The following RYR2 variants were observed in gnomAD, a reference collection of about 807,000 sequenced individuals.
RYR2 encodes the protein ryanodine receptor 2.
Under a neutral mutation model 601.1 loss-of-function variants are expected in RYR2, and 227 were observed. The observed-to-expected ratio is 0.38, with a 90% CI of 0.34 to 0.42. The LOEUF (loss-of-function observed/expected upper bound fraction) is 0.42, where lower values mean the gene tolerates loss of function less well. Among genes scored for constraint, RYR2 ranks in the 10% least tolerant of loss-of-function variants. The pLI is 1.00. For synonymous variants in RYR2, 2,223 were observed against 2,175.1 expected, an observed-to-expected ratio of 1.02 and a Z score of -0.61; for missense variants, 4,646 against 6,156.5, an observed-to-expected ratio of 0.75 and a Z score of 8.21.
intron 1 of RYR2, among the ~76,000 whole-genome samples, chr1:237,107,304 G>A (rs781133896): frequency 1.2e-4 from 18 of 151,598 alleles, no homozygotes; most frequent in Middle Eastern, 3.4e-3. Flanking sequence ...GGCGGATCAC[G>A]AGGTCAGGAG....
At chr1:237,787,557 A>T (rs1657759719) in intron 91 of RYR2, among the ~76,000 whole-genome samples, 1 of 146,516 alleles carries the variant, frequency 6.8e-6, no homozygotes, top group Admixed American at 7.0e-5. Flanking sequence ...GCGCCCCTGC[A>T]TTCCAGCCTG....
At chr1:237,344,334 A>C (rs1698106827) in intron 3 of RYR2, among the ~76,000 whole-genome samples, 2 of 152,198 alleles carry the variant, frequency 1.3e-5, no homozygotes, top group African/African-American at 4.8e-5. Context: ...TTTAACTGCT[A>C]TCCTGTGACC....
chr1:237,426,873 G>T (rs1427952815), intron 12 of RYR2, among the ~76,000 whole-genome samples: 1 of 152,090 alleles, frequency 6.6e-6, no homozygotes, highest in Non-Finnish European at 1.5e-5. Context: ...GTGAGACCAA[G>T]ACTTTATAGA....
intron 1 of RYR2, among the ~76,000 whole-genome samples, chr1:237,152,081 A>C (rs1674768972): frequency 6.6e-6 from 1 of 151,612 alleles, no homozygotes; most frequent in South Asian, 2.1e-4. Flanking sequence ...TTCAGCTCCC[A>C]CTTATGAGCG....
chr1:237,709,897 A>G (rs1688687537), intron 70 of RYR2, among the ~76,000 whole-genome samples: 1 of 152,202 alleles, frequency 6.6e-6, no homozygotes, highest in Admixed American at 6.5e-5. Context: ...GACGTGCTTA[A>G]ATAGACTAGC....
At chr1:237,367,478 C>G (rs1267304255) in intron 5 of RYR2, among the ~76,000 whole-genome samples, 1 of 152,004 alleles carries the variant, frequency 6.6e-6, no homozygotes, top group South Asian at 2.1e-4. Context: ...TTTTTTCAAA[C>G]AAAACATAAA....
chr1:237,519,638 C>T (rs1034441559), intron 24 of RYR2, among the ~76,000 whole-genome samples: 1 of 152,082 alleles, frequency 6.6e-6, no homozygotes, highest in African/African-American at 2.4e-5. Flanking sequence ...TTCCATTGAT[C>T]TATTCATCTG....
intron 36 of RYR2, among the ~76,000 whole-genome samples, chr1:237,612,845 T>G (rs958473992): frequency 1.3e-5 from 2 of 152,332 alleles, no homozygotes; most frequent in African/African-American, 4.8e-5. Flanking sequence ...TAGATGTGTA[T>G]GTATGTGAAT....
At position 237,784,101 on chromosome 1, in the gene RYR2, A is replaced by AG; in HGVS notation, c.12390dup (p.Pro4131AlafsTer21). On this transcript the variant is annotated frameshift_variant, in exon 90 of 105. Transcript: ENST00000366574. LOFTEE classifies it high-confidence loss of function. This position sits in a 1 kb window ranked among gnomAD's most constrained non-coding sequence, Gnocchi z 7.1. ...GCAGAGAGCGTCCTGAATTATTTCC[A>AG]GCCCTTTCTGGGCCGCATCGAAATC... 1 of 1,614,024 alleles carries AG rather than the reference A, an allele frequency of 6.2e-7. No individual in the cohort carries two copies. Among genetic ancestry groups the AG allele is most frequent in the Non-Finnish European group, 8.5e-7 (1 of 1,179,894 alleles).
chr1:237,456,510 A>T (rs1259768313), intron 15 of RYR2, 90 bp from the exon 16 acceptor site: 2 of 1,349,766 alleles, frequency 1.5e-6, no homozygotes, highest in African/African-American at 3.0e-5. Flanking sequence ...TCAGACTTCT[A>T]TTTTTAAATC....
intron 1 of RYR2, among the ~76,000 whole-genome samples, chr1:237,210,395 T>C (rs903982860): frequency 6.6e-6 from 1 of 151,860 alleles, no homozygotes; most frequent in Non-Finnish European, 1.5e-5. Flanking sequence ...TCTGTTTTTT[T>C]TCTTGAGTAC....
chr1:237,447,407 C>A (rs145691194), intron 14 of RYR2, among the ~76,000 whole-genome samples: 1 of 152,056 alleles, frequency 6.6e-6, no homozygotes, highest in African/African-American at 2.4e-5. Context: ...AGATAGAGTA[C>A]CAAGTATGAG....
rs140101065 is a variant in RYR2 at position 237,532,050 on chromosome 1, A to T, written c.2906+1540A>T. 9.0e-3 allele frequency among the ~76,000 whole-genome samples: 1,363 copies of T among 152,262 alleles called. 21 individuals are homozygous for T. The highest frequency in any genetic ancestry group is 0.031 in the African/African-American group (1,284 of 41,564). On this transcript the variant is annotated intron_variant, in intron 25 of 104. Coordinates refer to ENST00000366574, the MANE Select transcript of RYR2 (RefSeq NM_001035.3). Reference sequence around the variant, plus strand: ...ATCCTACATTATAAGTAAGATATGTATCTAAATTGAATTTTTAATTGTTTT... The same window carrying T: ...ATCCTACATTATAAGTAAGATATGTTTCTAAATTGAATTTTTAATTGTTTT...
chr1:237,790,373 A>G (rs1658227918), intron 92 of RYR2, among the ~76,000 whole-genome samples: 1 of 152,068 alleles, frequency 6.6e-6, no homozygotes, highest in Non-Finnish European at 1.5e-5. Context: ...ATTAAGTCCA[A>G]TCCACCACCA....
chr1:237,722,648 C>T (rs374344482), intron 73 of RYR2, among the ~76,000 whole-genome samples: 77 of 152,060 alleles, frequency 5.1e-4, no homozygotes, highest in Middle Eastern at 6.8e-3. Context: ...TTAACCAGGA[C>T]GGTCTCGATC....
At chr1:237,427,053 C>A (rs1330291662) in intron 12 of RYR2, among the ~76,000 whole-genome samples, 1 of 151,932 alleles carries the variant, frequency 6.6e-6, no homozygotes, top group Non-Finnish European at 1.5e-5. Context: ...TACTTAACAG[C>A]CAAAAAGGAA....
chr1:237,316,647 A>G (rs2149511120), intron 2 of RYR2, among the ~76,000 whole-genome samples: 1 of 152,336 alleles, frequency 6.6e-6, no homozygotes. Context: ...ATCAATCTCC[A>G]GTTCCTCCTT....
At chr1:237,345,922 T>C (rs1255963782) in intron 3 of RYR2, among the ~76,000 whole-genome samples, 1 of 152,190 alleles carries the variant, frequency 6.6e-6, no homozygotes, top group Non-Finnish European at 1.5e-5. Flanking sequence ...AACTTAGTAA[T>C]TCTGATAAGT....
chr1:237,481,133 C>T (rs911984640), intron 17 of RYR2, among the ~76,000 whole-genome samples: 17 of 96,194 alleles, frequency 1.8e-4, no homozygotes, highest in Admixed American at 7.1e-4. Flanking sequence ...TATACACACA[C>T]ATATATATAT....
Sources: gnomAD v4.1 joint callset for allele counts (sites outside exome capture counted in the v4.1 genomes callset) on GRCh38, gnomAD v4.1.1 for gene constraint, Gnocchi (gnomAD v3.1) non-coding constraint, MANE v1.5 for transcripts, NCBI Gene and HGNC (gene_info 2026-07-23, HGNC 2026-07-21) for gene names.